ADGB: variants seen among roughly 807,000 people sequenced by gnomAD.
ADGB encodes the protein androglobin, also known as calpain-7-like protein.
A neutral mutation model predicts 210.5 loss-of-function variants in ADGB; 172 were observed. The observed-to-expected ratio is 0.82, with a 90% confidence interval of 0.72 to 0.93. The LOEUF (loss-of-function observed/expected upper bound fraction) is 0.93. Ranked by LOEUF, ADGB falls within the 40% of genes least tolerant of loss-of-function variation. The pLI is 0.00. For missense variants in ADGB, 2,025 were observed against 1,964.8 expected (o/e 1.03, Z -0.58); for synonymous variants, 658 against 662.7 (o/e 0.99, Z 0.11).
chr6:146,724,021 GTAAT>G (rs148455488), intron 17 of ADGB, among the ~76,000 whole-genome samples, 161 bp from the exon 18 acceptor site: 6,729 of 152,172 alleles, frequency 0.044, 327 homozygotes, highest in African/African-American at 0.13. Context: ...GTTATTTCTA[GTAAT>G]TTACCTGGAG....
chr6:146,809,066 T>C (rs1409962457), intron 35 of ADGB, among the ~76,000 whole-genome samples: 1 of 151,614 alleles, frequency 6.6e-6, no homozygotes, highest in Non-Finnish European at 1.5e-5. Flanking sequence ...TCTACAGCTG[T>C]GACGGTTTAG....
At chr6:146,647,088 C>CAAAAAA (rs780260770) in intron 3 of ADGB, among the ~76,000 whole-genome samples, 13 of 110,562 alleles carry the variant, frequency 1.2e-4, no homozygotes, top group Admixed American at 2.7e-4. Context: ...GAGCCTGTCT[C>CAAAAAA]AAAAAAAAAC....
chr6:146,634,237 G>T (rs1271622335), intron 1 of ADGB, among the ~76,000 whole-genome samples: 1 of 152,076 alleles, frequency 6.6e-6, no homozygotes, highest in Admixed American at 6.6e-5. Context: ...TACCATTTGT[G>T]TAGTGTGCTT....
intron 7 of ADGB, among the ~76,000 whole-genome samples, chr6:146,668,647 TAC>T (rs1162406766): frequency 6.6e-6 from 1 of 152,080 alleles, no homozygotes; most frequent in African/African-American, 2.4e-5. Context: ...ATGGAATGCT[TAC>T]AGTTTTTCCT....
At chr6:146,660,312 A>C (rs1384215540) in intron 5 of ADGB, among the ~76,000 whole-genome samples, 1 of 152,188 alleles carries the variant, frequency 6.6e-6, no homozygotes, top group Non-Finnish European at 1.5e-5. Flanking sequence ...GAAATGCTTT[A>C]TTTCATTATA....
At position 146,726,253 on chromosome 6, in the gene ADGB, G is replaced by C. The variant is rs140620467; in HGVS notation, c.2352+56G>C. 1.3e-5 allele frequency: 17 copies of C among 1,263,880 alleles called. No homozygotes were observed. The Admixed American group carries it at 3.0e-4, about 22-fold the overall frequency. 78.3% of individuals were successfully genotyped at this position (1,263,880 alleles called of 1,614,324 possible). A position where few individuals can be genotyped will look rare whatever the true frequency, so the allele number is the denominator to read the frequency against. ...TTTATTTATTTAGAGATGGAGTCTC[G>C]CACTGTTGCCAGGGCTGGAGTGCAG... is the stretch of plus-strand genomic sequence containing the variant. On this transcript the variant is annotated intron_variant, in intron 19 of 35. Coordinates refer to ENST00000397944, the MANE Select transcript of ADGB (RefSeq NM_024694.4).
intron 9 of ADGB, 109 bp from the exon 10 acceptor site, chr6:146,685,625 C>T (rs1198819947): frequency 2.0e-6 from 1 of 510,152 alleles, no homozygotes; most frequent in Non-Finnish European, 3.3e-6. Flanking sequence ...ATGTATTTTT[C>T]ACCAGCCCGA....
At position 146,814,962 on chromosome 6, in the gene ADGB, T is replaced by C. The variant is rs931754321; in HGVS notation, c.4819-70T>C. 11 of 1,438,606 alleles carry C rather than the reference T, an allele frequency of 7.6e-6. No homozygotes were observed. The African/African-American group carries it at 1.3e-4, about 17-fold the overall frequency. The allele number at this position is 1,438,606 out of a possible 1,614,324, so 89.1% of individuals were successfully genotyped here. On this transcript the variant is annotated intron_variant, in intron 35 of 35. Transcript: ENST00000397944. ...GTAAGGACAGGGTAAAGGAATTTCATTTTTTTCTTTCTGGGAACATAAGCC... is the reference window on the plus strand; with the variant it reads ...GTAAGGACAGGGTAAAGGAATTTCACTTTTTTCTTTCTGGGAACATAAGCC...
At chr6:146,709,143 T>C (rs1482803462) in intron 13 of ADGB, among the ~76,000 whole-genome samples, 2 of 152,228 alleles carry the variant, frequency 1.3e-5, no homozygotes, top group African/African-American at 4.8e-5. Context: ...AATTGTGTTT[T>C]GCTATTTTTG....
chr6:146,629,460 C>T (rs983239916), intron 1 of ADGB, among the ~76,000 whole-genome samples: 2 of 152,084 alleles, frequency 1.3e-5, no homozygotes, highest in Non-Finnish European at 2.9e-5. Context: ...TGATGCGTTA[C>T]AAGGAAAGTA....
chr6:146,665,225 C>CA (rs1210128057), intron 6 of ADGB, among the ~76,000 whole-genome samples: 3 of 151,992 alleles, frequency 2.0e-5, no homozygotes, highest in African/African-American at 7.2e-5. Context: ...CAATGTTAGT[C>CA]AGAAGTCAGG....
chr6:146,795,218 T>C (rs1257208132), intron 33 of ADGB, among the ~76,000 whole-genome samples: 1 of 152,092 alleles, frequency 6.6e-6, no homozygotes, highest in Non-Finnish European at 1.5e-5. Context: ...AACTGCAATG[T>C]AGTATATCAA....
intron 9 of ADGB, among the ~76,000 whole-genome samples, chr6:146,679,340 T>C (rs1245424959): frequency 6.6e-6 from 1 of 152,194 alleles, no homozygotes; most frequent in Non-Finnish European, 1.5e-5. Context: ...AGTAATTTCA[T>C]CTAGTTAAAA....
At position 146,763,948 on chromosome 6, in the gene ADGB, G is replaced by C; in HGVS notation, c.3598G>C (p.Glu1200Gln). The part of the protein sequence containing the change: ...SFHSASKKEQ[E>Q]VYVKKKAAQG... The stretch of plus-strand genomic sequence containing the variant: ...TCACTCTGCATCCAAGAAAGAGCAA[G>C]AAGTGTATGTTAAGAAGAAAGCTGC... Residue 1200 changes from glutamate (E) to glutamine (Q), a missense_variant, in exon 28 of 36, where the codon GAA (glutamate) becomes CAA (glutamine). Physicochemically the swap from Glu to Gln is conservative, Grantham distance 29 (BLOSUM62 2). Coordinates refer to ENST00000397944, the MANE Select transcript of ADGB (RefSeq NM_024694.4). 6.4e-7 allele frequency: 1 copy of C among 1,551,416 alleles called. No homozygotes were observed. Among genetic ancestry groups the C allele is most frequent in the Middle Eastern group, 1.7e-4 (1 of 5,986 alleles).
rs907758516 is a variant in ADGB at position 146,785,632 on chromosome 6, A to T, written c.4235A>T (p.Tyr1412Phe). The change falls in exon 32 of 36, where the codon TAC (tyrosine) becomes TTC (phenylalanine). Residue 1412 changes from tyrosine to phenylalanine, a missense_variant. Coordinates refer to ENST00000397944, the MANE Select transcript of ADGB (RefSeq NM_024694.4). ...AIKASQARLH[Y>F]LSGFIKKTSD... ...TAGGCTTCTCAGGCTCGTTTGCATT[A>T]CCTTAGCGGGTTCATTAAGAAAACA... 2.6e-6 allele frequency: 4 copies of T among 1,551,002 alleles called. No individual in the cohort carries two copies. The African/African-American group carries it at 5.5e-5, about 21-fold the overall frequency.
intron 11 of ADGB, among the ~76,000 whole-genome samples, chr6:146,691,492 ATATATATATTTT>A (rs1776325098): frequency 5.8e-5 from 1 of 17,334 alleles, no homozygotes; most frequent in East Asian, 1.3e-3. Flanking sequence ...ATATATATAT[ATATATATATTTT>A]TTTTTTTTTT....
chr6:146,721,463 C>T lies in ADGB; in HGVS notation c.2053C>T (p.Leu685=). 1.3e-6 allele frequency: 2 copies of T among 1,551,340 alleles called. No individual in the cohort carries two copies. The highest frequency in any genetic ancestry group is 2.4e-5 in the East Asian group (1 of 40,920). ...AGATAGTCTAAAACCTATTGAACTACTGGTTTGCTTTTCTGCATTGGTACG... is the reference window on the plus strand; with the variant it reads ...AGATAGTCTAAAACCTATTGAACTATTGGTTTGCTTTTCTGCATTGGTACG... The part of the protein sequence containing the change: ...FVDSLKPIEL[L]VCFSALVRWG... Residue 685 remains leucine, a synonymous_variant, in exon 17 of 36, where the codon CTG becomes TTG. Transcript: ENST00000397944.
At position 146,672,285 on chromosome 6, in the gene ADGB, A is replaced by T. The variant is rs1420725471; in HGVS notation, c.905A>T (p.Asp302Val). Residue 302 changes from aspartate to valine, a missense_variant, in exon 8 of 36, where the codon GAT becomes GTT. Transcript: ENST00000397944. ...ATATTGCCTGAGTTTAAGCTGTCAG[A>T]TGAGGCCAGCTCTGAAAGCAAAATA... The part of the protein sequence containing the change: ...KEILPEFKLS[D>V]EASSESKIAV... 2 of 1,551,148 alleles carry T rather than the reference A, an allele frequency of 1.3e-6. No individual in the cohort carries two copies. The highest frequency in any genetic ancestry group is 2.7e-5 in the African/African-American group (2 of 73,118).
At chr6:146,624,934 A>C (rs1325760163) in intron 1 of ADGB, among the ~76,000 whole-genome samples, 1 of 151,992 alleles carries the variant, frequency 6.6e-6, no homozygotes, top group Non-Finnish European at 1.5e-5. Flanking sequence ...CAGAGAATGT[A>C]CTTTGTGTGA....
Sources: gnomAD v4.1 joint callset for allele counts (sites outside exome capture counted in the v4.1 genomes callset) on GRCh38, gnomAD v4.1.1 for gene constraint, MANE v1.5 for transcripts, NCBI Gene and HGNC (gene_info 2026-07-23, HGNC 2026-07-21) for gene names.